The following CASQ2 variants were observed in gnomAD, a reference collection of about 807,000 sequenced individuals.
CASQ2 encodes calsequestrin 2, also known as calsequestrin-2.
A neutral mutation model predicts 46.5 loss-of-function variants in CASQ2; 49 were observed. The ratio of observed to expected loss-of-function variants is 1.05; its 90% confidence interval spans 0.84 to 1.34. The LOEUF (loss-of-function observed/expected upper bound fraction) is 1.34. Among genes scored for constraint, CASQ2 ranks in the 40% most tolerant of loss-of-function variants. The probability of loss-of-function intolerance (pLI) is 0.00; values close to 1 mark genes in which losing one functional copy is unlikely to be tolerated. For synonymous variants in CASQ2, 174 were observed against 168.5 expected, an observed-to-expected ratio of 1.03 and a Z score of -0.25; for missense variants, 486 against 481.3, an observed-to-expected ratio of 1.01 and a Z score of -0.09.
At chr1:115,762,192 T>A (rs1648986940) in intron 1 of CASQ2, among the ~76,000 whole-genome samples, 2 of 152,280 alleles carry the variant, frequency 1.3e-5, no homozygotes, top group Admixed American at 6.5e-5. Context: ...AGACTCCAGA[T>A]ACCCTGACTG....
At chr1:115,752,255 C>T (rs779786790) in intron 1 of CASQ2, among the ~76,000 whole-genome samples, 23 of 152,178 alleles carry the variant, frequency 1.5e-4, no homozygotes, top group Non-Finnish European at 2.8e-4. Context: ...CATGCTTTTC[C>T]TTTGCAACCA....
chr1:115,749,646 C>A (rs1321468827), intron 1 of CASQ2, among the ~76,000 whole-genome samples: 1 of 152,222 alleles, frequency 6.6e-6, no homozygotes, highest in Non-Finnish European at 1.5e-5. Flanking sequence ...CCAGTCCTAG[C>A]AAGTCTCCTT....
chr1:115,711,040 A>G (rs1654529123), intron 8 of CASQ2, among the ~76,000 whole-genome samples: 1 of 152,334 alleles, frequency 6.6e-6, no homozygotes, highest in Non-Finnish European at 1.5e-5. Flanking sequence ...CATGTGTCTC[A>G]GACCAAGCAG....
At chr1:115,766,729 T>C (rs1649142581) in intron 1 of CASQ2, among the ~76,000 whole-genome samples, 1 of 152,144 alleles carries the variant, frequency 6.6e-6, no homozygotes, top group Non-Finnish European at 1.5e-5. Context: ...CTTATCGGTC[T>C]CTGCTGGGCC....
chr1:115,716,345 G>A (rs1404745742), intron 8 of CASQ2, among the ~76,000 whole-genome samples: 1 of 152,142 alleles, frequency 6.6e-6, no homozygotes. Flanking sequence ...GGGTCATCTT[G>A]CACTTTCAAA....
chr1:115,764,790 T>G (rs1649080034), intron 1 of CASQ2, among the ~76,000 whole-genome samples: 1 of 152,158 alleles, frequency 6.6e-6, no homozygotes, highest in Admixed American at 6.5e-5. Context: ...TTACTTGCCT[T>G]TTTCTTGCTA....
intron 8 of CASQ2, among the ~76,000 whole-genome samples, chr1:115,712,210 C>G (rs1239056109): frequency 6.6e-6 from 1 of 152,190 alleles, no homozygotes; most frequent in Non-Finnish European, 1.5e-5. Context: ...CAAGAAGTCA[C>G]CCGTGAGAGT....
At chr1:115,708,268 T>G (rs1396131220) in intron 8 of CASQ2, among the ~76,000 whole-genome samples, 1 of 152,150 alleles carries the variant, frequency 6.6e-6, no homozygotes, top group Non-Finnish European at 1.5e-5. Flanking sequence ...AGCAAAGAAA[T>G]CCCAAAAACC....
intron 9 of CASQ2, 42 bp downstream of exon 9, chr1:115,705,150 G>T (rs576671255): frequency 1.6e-6 from 2 of 1,233,320 alleles, no homozygotes; most frequent in Admixed American, 1.7e-5. Context: ...TCATGAGGTT[G>T]TGACAGCAAC....
At chr1:115,762,696 T>C (rs1649005784) in intron 1 of CASQ2, among the ~76,000 whole-genome samples, 1 of 152,218 alleles carries the variant, frequency 6.6e-6, no homozygotes, top group Admixed American at 6.5e-5. Context: ...TATGTAAGTG[T>C]GAAGCTCACC....
chr1:115,701,934 T>TA (rs1459751746), intron 10 of CASQ2, among the ~76,000 whole-genome samples: 1 of 151,946 alleles, frequency 6.6e-6, no homozygotes, highest in Non-Finnish European at 1.5e-5. Flanking sequence ...TTTTTATTTT[T>TA]TTTTTGAGAT....
intron 7 of CASQ2, among the ~76,000 whole-genome samples, chr1:115,723,305 T>TTATCTATCTATCTATCTATCTATC (rs58680506): frequency 0.012 from 1,853 of 148,822 alleles, 20 homozygotes; most frequent in South Asian, 0.025. Flanking sequence ...ATCTATCTAT[T>TTATCTATCTATCTATCTATCTATC]TATCTATCTA....
chr1:115,766,265 G>T (rs1392393172), intron 1 of CASQ2, among the ~76,000 whole-genome samples: 1 of 152,220 alleles, frequency 6.6e-6, no homozygotes, highest in Non-Finnish European at 1.5e-5. Flanking sequence ...GATTTCAGGA[G>T]TAGTACCGTG....
chr1:115,735,922 G>C (rs968422649), intron 4 of CASQ2, among the ~76,000 whole-genome samples: 1 of 152,196 alleles, frequency 6.6e-6, no homozygotes, highest in African/African-American at 2.4e-5. Flanking sequence ...AGCATTTTGG[G>C]AGGCCGAGGC....
chr1:115,737,421 T>C (rs1241780026), intron 4 of CASQ2, among the ~76,000 whole-genome samples: 1 of 152,176 alleles, frequency 6.6e-6, no homozygotes, highest in African/African-American at 2.4e-5. Flanking sequence ...GCAGCCCACA[T>C]TTGTACTTCC....
chr1:115,737,069 T>G (rs1389848906), intron 4 of CASQ2, among the ~76,000 whole-genome samples: 1 of 152,012 alleles, frequency 6.6e-6, no homozygotes, highest in Non-Finnish European at 1.5e-5. Context: ...AACATAAAGA[T>G]GGAAACAAAT....
intron 1 of CASQ2, among the ~76,000 whole-genome samples, chr1:115,746,446 G>A (rs979073932): frequency 1.3e-5 from 2 of 152,210 alleles, no homozygotes; most frequent in Non-Finnish European, 2.9e-5. Flanking sequence ...ACCTTCCCAT[G>A]AGCAAGGTAT....
intron 5 of CASQ2, among the ~76,000 whole-genome samples, chr1:115,728,724 A>T (rs1557793490): frequency 6.6e-6 from 1 of 152,212 alleles, no homozygotes; most frequent in Non-Finnish European, 1.5e-5. Context: ...ATGTGGTAAG[A>T]ATGATTATCA....
At chr1:115,702,830 G>A (rs1570793348) in intron 10 of CASQ2, 91 bp downstream of exon 10, 5 of 1,000,752 alleles carry the variant, frequency 5.0e-6, no homozygotes, top group Admixed American at 3.9e-5. Context: ...AAAAGGCTGG[G>A]CTACTATAGA....
Sources: allele counts gnomAD v4.1 joint callset (sites outside exome capture counted in the v4.1 genomes callset), GRCh38; gene constraint gnomAD v4.1.1; transcripts MANE v1.5; gene names NCBI Gene and HGNC (gene_info 2026-07-23, HGNC 2026-07-21).